MAN1C1: variants seen among roughly 807,000 people sequenced by gnomAD.
MAN1C1 encodes the protein mannosyl-oligosaccharide 1,2-alpha-mannosidase IC.
MAN1C1 carries 49 observed loss-of-function variants against 71.5 expected under a neutral mutation model. The observed-to-expected ratio is 0.69, with a 90% confidence interval of 0.54 to 0.87. The LOEUF is 0.87. MAN1C1 is among the 40% of genes least tolerant of loss of function. The probability of loss-of-function intolerance (pLI) is 0.00; values close to 1 mark genes in which losing one functional copy is unlikely to be tolerated. For missense variants in MAN1C1, 743 were observed against 835.0 expected (o/e 0.89, Z 1.36); for synonymous variants, 352 against 343.7 (o/e 1.02, Z -0.27).
At chr1:25,693,320 A>G (rs2046331119) in intron 2 of MAN1C1, among the ~76,000 whole-genome samples, 1 of 152,132 alleles carries the variant, frequency 6.6e-6, no homozygotes, top group Non-Finnish European at 1.5e-5. Flanking sequence ...TGTCTCAGGA[A>G]TGGCAGAGGC....
At position 25,746,725 on chromosome 1, in the gene MAN1C1, T is replaced by C; in HGVS notation, c.695T>C (p.Leu232Pro). The C allele has an allele frequency of 6.3e-7, 1 of 1,596,220 alleles. No homozygotes were observed. The highest frequency in any genetic ancestry group is 8.5e-7 in the Non-Finnish European group (1 of 1,171,624). The part of the protein sequence containing the change: ...DSLDTLYLME[L>P]KEEFQEAKAW... ...CTCGATACCCTCTACCTCATGGAGC[T>C]GAAGGAGGAGTTCCAGGAGGCCAAG... Residue 232 changes from leucine to proline, a missense_variant, in exon 3 of 12, where the codon CTG becomes CCG. Physicochemically the swap from Leu to Pro is moderately conservative, Grantham distance 98. Coordinates refer to ENST00000374332, the MANE Select transcript of MAN1C1 (RefSeq NM_020379.4). The surrounding 1 kb of genome is among the most constrained non-coding windows in gnomAD (Gnocchi z 4.0).
At chr1:25,627,878 A>AC (rs2045322001) in intron 1 of MAN1C1, among the ~76,000 whole-genome samples, 1 of 151,966 alleles carries the variant, frequency 6.6e-6, no homozygotes, top group African/African-American at 2.4e-5. Flanking sequence ...AAAAAAAAAA[A>AC]AAAAAAATAC....
chr1:25,620,033 G>A (rs532942608), intron 1 of MAN1C1, among the ~76,000 whole-genome samples: 2 of 152,296 alleles, frequency 1.3e-5, no homozygotes, highest in South Asian at 4.1e-4. Flanking sequence ...GTCCATTTCC[G>A]AATGCCAGGG....
intron 1 of MAN1C1, among the ~76,000 whole-genome samples, chr1:25,651,156 G>A (rs555189533): frequency 1.3e-5 from 2 of 152,284 alleles, no homozygotes; most frequent in East Asian, 1.9e-4. Flanking sequence ...GACCCGGGAC[G>A]GCTACTGCAA....
At chr1:25,767,809 C>T (rs1191770879) in intron 7 of MAN1C1, among the ~76,000 whole-genome samples, 1 of 133,182 alleles carries the variant, frequency 7.5e-6, no homozygotes, top group Non-Finnish European at 1.6e-5. Context: ...ACTCCCCTCA[C>T]GTACATCCAC....
chr1:25,759,058 C>T (rs2047327291), intron 6 of MAN1C1: 2 of 245,846 alleles, frequency 8.1e-6, no homozygotes, highest in Admixed American at 4.7e-5. Flanking sequence ...CTTGCATTGG[C>T]AGGAATTGGC....
chr1:25,763,173 C>T (rs907264806), intron 6 of MAN1C1, among the ~76,000 whole-genome samples: 3 of 152,056 alleles, frequency 2.0e-5, no homozygotes, highest in Admixed American at 1.3e-4. Flanking sequence ...GAGGCTGAGA[C>T]GGGAGAACCA....
Position 25,617,707 on chromosome 1 carries a change from C to A in MAN1C1, c.-91C>A. ...CAACCCTGCCCAGGGACCCCCATCC[C>A]GGGCGGCGCTCCGGACGCCCTCCCC... On this transcript the variant is annotated 5_prime_UTR_variant, in exon 1 of 12. Transcript: ENST00000374332. This position sits in a 1 kb window ranked among gnomAD's most constrained non-coding sequence, Gnocchi z 5.1. 7.7e-7 allele frequency: 1 copy of A among 1,294,490 alleles called. No individual in the cohort carries two copies. The highest frequency in any genetic ancestry group is 1.0e-6 in the Non-Finnish European group (1 of 965,310). The allele number at this position is 1,294,490 out of a possible 1,614,324, so 80.2% of individuals were successfully genotyped here.
chr1:25,675,773 T>C (rs1251334153), intron 1 of MAN1C1, among the ~76,000 whole-genome samples: 1 of 152,228 alleles, frequency 6.6e-6, no homozygotes, highest in African/African-American at 2.4e-5. Context: ...GAGCACATAT[T>C]ATATACGAGC....
chr1:25,756,208 T>C (rs1222935015), intron 5 of MAN1C1, among the ~76,000 whole-genome samples: 1 of 152,242 alleles, frequency 6.6e-6, no homozygotes, highest in Non-Finnish European at 1.5e-5. Flanking sequence ...ACAATAACTA[T>C]GAAGTGTGGG....
At position 25,747,312 on chromosome 1, in the gene MAN1C1, G is replaced by A. The variant is rs1202682313; in HGVS notation, c.753+529G>A. Among the ~76,000 whole-genome samples, 3 of 152,206 alleles carry A rather than the reference G, an allele frequency of 2.0e-5. No individual in the cohort carries two copies. In the East Asian group the frequency reaches 5.8e-4, roughly 29 times the overall value. On this transcript the variant is annotated intron_variant, in intron 3 of 11. Coordinates refer to ENST00000374332, the MANE Select transcript of MAN1C1 (RefSeq NM_020379.4). ...GACCTCTTGGTCTCCAGCCTTGCAGGCACACTTGGTCAGGGACCAGAGCCT... is the reference window on the plus strand; with the variant it reads ...GACCTCTTGGTCTCCAGCCTTGCAGACACACTTGGTCAGGGACCAGAGCCT...
chr1:25,746,690 C>A lies in MAN1C1; in HGVS notation c.660C>A (p.Val220=), dbSNP rs757553089. The A allele has an allele frequency of 7.4e-6, 12 of 1,613,848 alleles. No homozygotes were observed. The Admixed American group carries it at 2.0e-4, about 27-fold the overall frequency. Reference sequence around the variant, plus strand: ...CAGGAGGCCTCAGCGGGGCAACAGTCATTGACTCCCTCGATACCCTCTACC... The same window carrying A: ...CAGGAGGCCTCAGCGGGGCAACAGTAATTGACTCCCTCGATACCCTCTACC... ...NMFGGLSGAT[V]IDSLDTLYLM... The change falls in exon 3 of 12, where the codon GTC becomes GTA. Residue 220 remains valine (V), a synonymous_variant. Transcript: ENST00000374332. The surrounding 1 kb of genome is among the most constrained non-coding windows in gnomAD (Gnocchi z 4.0).
intron 1 of MAN1C1, among the ~76,000 whole-genome samples, chr1:25,633,795 G>A (rs2045419553): frequency 6.6e-6 from 1 of 152,098 alleles, no homozygotes; most frequent in Admixed American, 6.5e-5. Flanking sequence ...TGAGATGTGA[G>A]GTGCTGTTCC....
intron 1 of MAN1C1, among the ~76,000 whole-genome samples, chr1:25,620,335 C>T (rs2045188098): frequency 6.6e-6 from 1 of 152,156 alleles, no homozygotes; most frequent in South Asian, 2.1e-4. Flanking sequence ...GTTCAGCTAG[C>T]CCTCTCTTAC....
intron 1 of MAN1C1, among the ~76,000 whole-genome samples, chr1:25,653,927 C>A (rs2045727279): frequency 6.6e-6 from 1 of 152,154 alleles, no homozygotes; most frequent in African/African-American, 2.4e-5. Context: ...ACTGGGGATG[C>A]TATGGGCATC....
chr1:25,758,509 C>G lies in MAN1C1; in HGVS notation c.930-83C>G, dbSNP rs1315163865. ...CATGCCTGTCACATAGTAGGTGCCC[C>G]CACCGAGCAGCTGCTGTTACTGTCA... On this transcript the variant is annotated intron_variant, in intron 5 of 11. Coordinates refer to ENST00000374332, the MANE Select transcript of MAN1C1 (RefSeq NM_020379.4). 3 of 1,196,012 alleles carry G rather than the reference C, an allele frequency of 2.5e-6. No individual in the cohort carries two copies. In the African/African-American group the frequency reaches 4.5e-5, roughly 18 times the overall value. 74.1% of individuals were successfully genotyped at this position (1,196,012 alleles called of 1,614,324 possible).
chr1:25,624,417 C>A (rs1325568190), intron 1 of MAN1C1, among the ~76,000 whole-genome samples: 3 of 152,124 alleles, frequency 2.0e-5, no homozygotes, highest in Non-Finnish European at 2.9e-5. Flanking sequence ...CCCTAGAAGG[C>A]TGTTGCCTAA....
chr1:25,658,016 G>A (rs905707944), intron 1 of MAN1C1, among the ~76,000 whole-genome samples: 19 of 152,330 alleles, frequency 1.2e-4, no homozygotes, highest in Admixed American at 1.0e-3. Flanking sequence ...GCCCTGTGGT[G>A]CTCTACACCA....
chr1:25,745,645 G>A (rs2047118544), intron 2 of MAN1C1, among the ~76,000 whole-genome samples: 1 of 152,214 alleles, frequency 6.6e-6, no homozygotes, highest in Admixed American at 6.5e-5. Flanking sequence ...TTGAGCCATA[G>A]TTCACCCTCT....
Sources: allele counts gnomAD v4.1 joint callset (sites outside exome capture counted in the v4.1 genomes callset), GRCh38; gene constraint gnomAD v4.1.1; non-coding constraint Gnocchi (gnomAD v3.1); transcripts MANE v1.5; gene names NCBI Gene and HGNC (gene_info 2026-07-23, HGNC 2026-07-21).